RASGRF1: variants seen among roughly 807,000 people sequenced by gnomAD.
RASGRF1 encodes the protein Ras protein specific guanine nucleotide releasing factor 1, also known as ras-specific guanine nucleotide-releasing factor 1.
A neutral mutation model predicts 138.7 loss-of-function variants in RASGRF1; 40 were observed. The ratio of observed to expected loss-of-function variants is 0.29; its 90% CI spans 0.22 to 0.38. The LOEUF is 0.38. Ranked by LOEUF, RASGRF1 falls within the 10% of genes least tolerant of loss-of-function variation. The probability of loss-of-function intolerance (pLI) is 1.00; values close to 1 mark genes in which losing one functional copy is unlikely to be tolerated. For missense variants in RASGRF1, 1,108 were observed against 1,650.4 expected, an observed-to-expected ratio of 0.67 and a Z score of 5.69; for synonymous variants, 614 against 663.2, an observed-to-expected ratio of 0.93 and a Z score of 1.14.
At chr15:79,084,668 G>A (rs1280791559) in intron 1 of RASGRF1, among the ~76,000 whole-genome samples, 2 of 152,196 alleles carry the variant, frequency 1.3e-5, no homozygotes, top group Non-Finnish European at 2.9e-5. Flanking sequence ...ATACTAGAGG[G>A]TGGGGGCATT....
chr15:78,961,896 G>A lies in RASGRF1; in HGVS notation c.*248C>T, dbSNP rs2055549865. On this transcript the variant is annotated 3_prime_UTR_variant, in exon 27 of 27. Transcript: ENST00000558480. ...TGAGAAGAGTGAGGAGTCTAGGGAA[G>A]AGGGACCAAGAGTACAGCTGTTTAA... 4.5e-6 allele frequency: 2 copies of A among 445,352 alleles called. No homozygotes were observed. The highest frequency in any genetic ancestry group is 3.6e-5 in the Admixed American group (1 of 27,794). The allele number at this position is 445,352 out of a possible 1,614,324, so 27.6% of individuals were successfully genotyped here.
At chr15:79,025,006 GCA>G (rs1478371949) in intron 10 of RASGRF1, among the ~76,000 whole-genome samples, 2 of 150,174 alleles carry the variant, frequency 1.3e-5, no homozygotes, top group East Asian at 3.9e-4. Flanking sequence ...ACACACACAT[GCA>G]CACACACATG....
At chr15:79,037,416 AGT>A (rs2057237477) in intron 5 of RASGRF1, among the ~76,000 whole-genome samples, 1 of 151,960 alleles carries the variant, frequency 6.6e-6, no homozygotes, top group African/African-American at 2.4e-5. Flanking sequence ...GGACGATTCA[AGT>A]GTATTACATT....
At chr15:78,977,242 T>C (rs958581894) in intron 24 of RASGRF1, among the ~76,000 whole-genome samples, 1 of 152,140 alleles carries the variant, frequency 6.6e-6, no homozygotes, top group African/African-American at 2.4e-5. Flanking sequence ...GGATGGGCTA[T>C]TCTCTCTTAC....
chr15:79,001,350 C>T (rs527287331), intron 16 of RASGRF1, among the ~76,000 whole-genome samples: 7 of 152,036 alleles, frequency 4.6e-5, no homozygotes, highest in African/African-American at 1.7e-4. Context: ...CGAATGAGCC[C>T]TAGATGCTGA....
chr15:79,003,916 C>T lies in RASGRF1; in HGVS notation c.2335G>A (p.Ala779Thr). ...MYSAMSPFSK[A>T]TLDTSKLYVS... ...TAGAGCTTGCTGGTGTCCAGCGTGG[C>T]CTTGCTGAAGGGTGACATGGCCGAG... Residue 779 changes from alanine (A) to threonine (T), a missense_variant, in exon 15 of 27, where the codon GCC becomes ACC. Ala to Thr is a moderately conservative substitution (Grantham distance 58). Transcript: ENST00000558480. 6.2e-7 allele frequency: 1 copy of T among 1,614,146 alleles called. No individual in the cohort carries two copies. Among genetic ancestry groups the T allele is most frequent in the South Asian group, 1.1e-5 (1 of 91,072 alleles).
intron 22 of RASGRF1, among the ~76,000 whole-genome samples, chr15:78,989,950 T>C (rs971724980): frequency 6.6e-6 from 1 of 152,174 alleles, no homozygotes; most frequent in Non-Finnish European, 1.5e-5. Context: ...TGAATGTCTT[T>C]AGATGACCAC....
At chr15:79,019,280 G>T (rs1305059598) in intron 11 of RASGRF1, among the ~76,000 whole-genome samples, 1 of 152,180 alleles carries the variant, frequency 6.6e-6, no homozygotes, top group African/African-American at 2.4e-5. Context: ...CTTGGGGTCA[G>T]TGAAGAAGGG....
At chr15:79,005,623 A>G in intron 14 of RASGRF1, 1 of 987,564 alleles carries the variant, frequency 1.0e-6, no homozygotes, top group Non-Finnish European at 1.2e-6. Flanking sequence ...GGTGGCCTGC[A>G]CTCCTTATGT....
chr15:79,079,605 T>G (rs2057887060), intron 1 of RASGRF1, among the ~76,000 whole-genome samples: 1 of 152,166 alleles, frequency 6.6e-6, no homozygotes. Context: ...TATATAATTA[T>G]ACATGCATGC....
chr15:78,986,535 T>C (rs1253223768), intron 22 of RASGRF1, among the ~76,000 whole-genome samples: 1 of 152,062 alleles, frequency 6.6e-6, no homozygotes, highest in Admixed American at 6.6e-5. Flanking sequence ...TTAGTAGAGA[T>C]GGGGTTTTAC....
At chr15:79,012,559 G>A in intron 13 of RASGRF1, 1 of 1,613,980 alleles carries the variant, frequency 6.2e-7, no homozygotes, top group Admixed American at 1.7e-5. Context: ...AGATTGGTAA[G>A]CAGATGGGTC....
At chr15:79,064,566 C>A in intron 1 of RASGRF1, 40 bp from the exon 2 acceptor site, 20 of 1,555,564 alleles carry the variant, frequency 1.3e-5, no homozygotes, top group Non-Finnish European at 1.8e-5. Context: ...CCAGAGTGTC[C>A]ATGGGACCAA....
chr15:79,074,493 G>A (rs1381559990), intron 1 of RASGRF1, among the ~76,000 whole-genome samples: 3 of 152,218 alleles, frequency 2.0e-5, no homozygotes, highest in Admixed American at 6.5e-5. Flanking sequence ...GTGAGGGCAG[G>A]GCCAGTACCC....
chr15:79,048,346 GC>G (rs113428903), intron 4 of RASGRF1, among the ~76,000 whole-genome samples: 2,060 of 152,278 alleles, frequency 0.014, 40 homozygotes, highest in African/African-American at 0.045. Context: ...TGGGCCTTCT[GC>G]TTTTTAAGGA....
chr15:78,985,910 G>C (rs955240759), intron 22 of RASGRF1: 3 of 133,588 alleles, frequency 2.2e-5, no homozygotes, highest in Non-Finnish European at 4.6e-5. Context: ...GGGTGACAGA[G>C]CGAGACTCCA....
rs1232834831 is a variant in RASGRF1 at position 79,046,730 on chromosome 15, C to A, written c.878+16G>T. ...TAGTCTCCTTCCTGCCTTGGCCAAC[C>A]TTTAGGGGTGCTCACCTGTTCAGGA... On this transcript the variant is annotated intron_variant, in intron 5 of 26. Coordinates refer to ENST00000558480, the MANE Select transcript of RASGRF1 (RefSeq NM_001145648.3). This position sits in a 1 kb window ranked among gnomAD's most constrained non-coding sequence, Gnocchi z 5.3. 6.2e-7 allele frequency: 1 copy of A among 1,613,774 alleles called. No homozygotes were observed.
chr15:78,994,617 T>C (rs1363764201), intron 20 of RASGRF1, among the ~76,000 whole-genome samples: 1 of 152,198 alleles, frequency 6.6e-6, no homozygotes, highest in Non-Finnish European at 1.5e-5. Flanking sequence ...TGCACATCAC[T>C]GACTTGGAAA....
At chr15:79,028,424 C>A (rs2057091134) in intron 8 of RASGRF1, among the ~76,000 whole-genome samples, 1 of 152,260 alleles carries the variant, frequency 6.6e-6, no homozygotes, top group East Asian at 1.9e-4. Context: ...CTGGCAATCC[C>A]GCTGGCTCAG....
Sources: allele counts gnomAD v4.1 joint callset (sites outside exome capture counted in the v4.1 genomes callset), GRCh38; gene constraint gnomAD v4.1.1; non-coding constraint Gnocchi (gnomAD v3.1); transcripts MANE v1.5; gene names NCBI Gene and HGNC (gene_info 2026-07-23, HGNC 2026-07-21).